Variants in NPLOC4 observed in about 807,000 individuals in gnomAD.
NPLOC4 encodes NPL4 homolog, ubiquitin recognition factor.
In NPLOC4, 18 loss-of-function variants were observed where a neutral mutation model predicts 80.6. The observed-to-expected ratio is 0.22, with a 90% CI of 0.15 to 0.33. The LOEUF (loss-of-function observed/expected upper bound fraction) is 0.33. Ranked by LOEUF, NPLOC4 falls within the 10% of genes least tolerant of loss-of-function variation. NPLOC4 has a pLI of 1.00. For synonymous variants in NPLOC4, 313 were observed against 301.5 expected (o/e 1.04, Z -0.39); for missense variants, 540 against 786.1 (o/e 0.69, Z 3.74).
chr17:81,621,669 G>C (rs1198238246), intron 3 of NPLOC4, among the ~76,000 whole-genome samples: 2 of 152,136 alleles, frequency 1.3e-5, no homozygotes, highest in Non-Finnish European at 2.9e-5. Context: ...CCAACAACAC[G>C]ACCTGGCTGT....
At chr17:81,625,571 G>C (rs1399123822) in intron 2 of NPLOC4, among the ~76,000 whole-genome samples, 1 of 152,146 alleles carries the variant, frequency 6.6e-6, no homozygotes, top group East Asian at 1.9e-4. Context: ...AGAAGGGAGA[G>C]AGCAGAAGAG....
At chr17:81,614,307 C>T (rs2035422971) in intron 3 of NPLOC4, 1 of 136,316 alleles carries the variant, frequency 7.3e-6, no homozygotes, top group Non-Finnish European at 1.6e-5. Context: ...GTGGGATTAC[C>T]AGAGACATAC....
intron 12 of NPLOC4, among the ~76,000 whole-genome samples, chr17:81,582,523 TC>T (rs1256815379): frequency 6.6e-6 from 1 of 152,194 alleles, no homozygotes; most frequent in African/African-American, 2.4e-5. Context: ...TGACTCAGCC[TC>T]CTGAGTAGCT....
intron 1 of NPLOC4, among the ~76,000 whole-genome samples, chr17:81,630,619 C>T (rs1463932378): frequency 6.6e-6 from 1 of 152,096 alleles, no homozygotes; most frequent in Non-Finnish European, 1.5e-5. Flanking sequence ...CAGTGGCTCA[C>T]GTCTGTAATT....
At chr17:81,596,563 C>G (rs1451175501) in intron 10 of NPLOC4, among the ~76,000 whole-genome samples, 2 of 152,046 alleles carry the variant, frequency 1.3e-5, no homozygotes, top group Non-Finnish European at 2.9e-5. Context: ...AAGACTCTGT[C>G]TCAAAAAAAT....
At chr17:81,635,310 G>C (rs56778656) in intron 1 of NPLOC4, among the ~76,000 whole-genome samples, 1 of 147,384 alleles carries the variant, frequency 6.8e-6, no homozygotes, top group Admixed American at 7.0e-5. Flanking sequence ...CTGAACTCCA[G>C]CCTGGGCGAC....
At chr17:81,636,158 A>G (rs2036066279) in intron 1 of NPLOC4, among the ~76,000 whole-genome samples, 1 of 151,974 alleles carries the variant, frequency 6.6e-6, no homozygotes, top group Non-Finnish European at 1.5e-5. Context: ...TTTAGTAGAG[A>G]CAAGATTTTG....
At chr17:81,631,438 T>TATATATATATATA (rs1568170977) in intron 1 of NPLOC4, among the ~76,000 whole-genome samples, 60 of 25,898 alleles carry the variant, frequency 2.3e-3, no homozygotes, top group African/African-American at 6.8e-3. Context: ...ATATATATAT[T>TATATATATATATA]TTTTTTTTTT....
intron 4 of NPLOC4, among the ~76,000 whole-genome samples, chr17:81,611,114 G>A (rs1456901704): frequency 6.6e-6 from 1 of 152,034 alleles, no homozygotes; most frequent in Non-Finnish European, 1.5e-5. Context: ...GAGGTCAGGA[G>A]TTAAAGACAA....
chr17:81,621,176 G>C (rs185429284), intron 3 of NPLOC4, among the ~76,000 whole-genome samples: 158 of 151,090 alleles, frequency 1.0e-3, no homozygotes, highest in African/African-American at 3.4e-3. Context: ...CCCCTCACCA[G>C]CTCAAAAGAA....
intron 2 of NPLOC4, among the ~76,000 whole-genome samples, chr17:81,626,515 G>C (rs1393197117): frequency 1.3e-5 from 2 of 152,138 alleles, no homozygotes; most frequent in Non-Finnish European, 2.9e-5. Context: ...AAGACGAGAA[G>C]ACCAAGAAGA....
In NPLOC4 at chr17:81,613,351, T is replaced by A; in HGVS notation, c.353A>T (p.Asp118Val). The part of the protein sequence containing the change: ...DEIDQYLSKQ[D>V]GKIYRSRDPQ... ...GTCTCGGCTTCTGTAAATCTTCCCG[T>A]CCTGTTTGCTGAGGTACTGATCAAT... Residue 118 changes from aspartate to valine, a missense_variant, in exon 4 of 17, where the codon GAC (aspartate) becomes GTC (valine). By Grantham distance (152) the Asp-to-Val change is radical. Around this residue, in one of 6 missense-constraint regions of NPLOC4, gnomAD observed 74 missense variants for 75.7 expected, o/e 0.98. Transcript: ENST00000331134. 6.2e-7 allele frequency: 1 copy of A among 1,613,838 alleles called. No homozygotes were observed. Among genetic ancestry groups the A allele is most frequent in the Non-Finnish European group, 8.5e-7 (1 of 1,179,838 alleles).
intron 3 of NPLOC4, among the ~76,000 whole-genome samples, chr17:81,617,661 G>GT (rs2035534266): frequency 9.1e-6 from 1 of 109,534 alleles, no homozygotes; most frequent in African/African-American, 3.7e-5. Context: ...CACAAAAAAT[G>GT]CCCCCCCTCC....
intron 4 of NPLOC4, among the ~76,000 whole-genome samples, chr17:81,611,731 C>A (rs894478371): frequency 2.0e-5 from 3 of 151,486 alleles, no homozygotes; most frequent in Admixed American, 6.6e-5. Context: ...GAGGCCGAGG[C>A]GGGTGGATCA....
At chr17:81,575,764 C>T (rs1317426526) in intron 12 of NPLOC4, among the ~76,000 whole-genome samples, 1 of 152,244 alleles carries the variant, frequency 6.6e-6, no homozygotes. Context: ...CGGACCCCAA[C>T]AGCCGTCTCA....
intron 12 of NPLOC4, chr17:81,588,053 T>A (rs1399367409): frequency 6.6e-6 from 1 of 152,206 alleles, no homozygotes; most frequent in Non-Finnish European, 1.5e-5. Flanking sequence ...AACTTAAACT[T>A]CTGGAATGAA....
intron 1 of NPLOC4, among the ~76,000 whole-genome samples, chr17:81,633,840 G>A (rs2035994608): frequency 6.6e-6 from 1 of 151,622 alleles, no homozygotes; most frequent in Non-Finnish European, 1.5e-5. Context: ...CAAGTAGCTG[G>A]GATTATAGGC....
chr17:81,598,019 C>T lies in NPLOC4; in HGVS notation c.922-703G>A, dbSNP rs1018376127. ...CTGAGGCAGGAGAATGGTGTGAACC[C>T]GGGAGGTGAAGCTTGCAGTGAGCCG... On this transcript the variant is annotated intron_variant, in intron 9 of 16. Transcript: ENST00000331134. Among the ~76,000 whole-genome samples, 185 of 148,512 alleles carry T rather than the reference C, an allele frequency of 1.2e-3. 1 individual carries two copies. The highest frequency in any genetic ancestry group is 2.0e-3 in the Non-Finnish European group (135 of 67,636).
At chr17:81,565,030 G>T (rs2033967833) in intron 16 of NPLOC4, 1 of 448,950 alleles carries the variant, frequency 2.2e-6, no homozygotes, top group Non-Finnish European at 4.0e-6. Context: ...TGGTGACTGA[G>T]GGTCCGGAAG....
Sources: allele counts gnomAD v4.1 joint callset (sites outside exome capture counted in the v4.1 genomes callset), GRCh38; gene constraint gnomAD v4.1.1; regional missense constraint gnomAD v4.1.1; transcripts MANE v1.5; gene names NCBI Gene and HGNC (gene_info 2026-07-23, HGNC 2026-07-21).